WWOX: variants seen among roughly 807,000 people sequenced by gnomAD.
WWOX encodes the protein WW domain containing oxidoreductase, also known as WW domain-containing oxidoreductase.
WWOX carries 69 observed loss-of-function variants against 46.2 expected under a neutral mutation model. The ratio of observed to expected loss-of-function variants is 1.49; its 90% CI spans 1.23 to 1.82. The LOEUF is 1.82. Among genes scored for constraint, WWOX ranks in the 40% most tolerant of loss-of-function variants. WWOX has a pLI of 0.00. For synonymous variants in WWOX, 359 were observed against 202.6 expected (o/e 1.77, Z -6.56); for missense variants, 919 against 542.6 (o/e 1.69, Z -6.89).
chr16:78,174,477 A>G (rs565743716), intron 5 of WWOX, among the ~76,000 whole-genome samples: 6 of 152,334 alleles, frequency 3.9e-5, no homozygotes, highest in African/African-American at 1.2e-4. Flanking sequence ...ACCATATCAG[A>G]CACAAACATT....
intron 5 of WWOX, among the ~76,000 whole-genome samples, chr16:78,190,455 A>G (rs1165692782): frequency 1.3e-5 from 2 of 152,162 alleles, no homozygotes; most frequent in Admixed American, 6.5e-5. Flanking sequence ...AATCAGTCCT[A>G]TCCAGTATAC....
In WWOX at chr16:79,151,247, C is replaced by T. The variant is rs138305998; in HGVS notation, c.1057-60361C>T. 3.0e-3 allele frequency among the ~76,000 whole-genome samples: 457 copies of T among 152,296 alleles called. 1 individual carries two copies. The highest frequency in any genetic ancestry group is 6.8e-3 in the Middle Eastern group (2 of 294). ...TTGAAATCTGGAACATTCTTTCCTA[C>T]GGTGGTTGACTTTTCACTGCCTTTG... On this transcript the variant is annotated intron_variant, in intron 8 of 8. Transcript: ENST00000566780.
At chr16:78,755,517 G>A (rs902461158) in intron 8 of WWOX, among the ~76,000 whole-genome samples, 5 of 152,212 alleles carry the variant, frequency 3.3e-5, no homozygotes, top group African/African-American at 1.2e-4. Context: ...ACCTGCCAGA[G>A]TGGCTGTATC....
chr16:78,133,546 C>G (rs2033682445), intron 4 of WWOX, among the ~76,000 whole-genome samples: 1 of 152,212 alleles, frequency 6.6e-6, no homozygotes, highest in Non-Finnish European at 1.5e-5. Context: ...CAGGCTCACG[C>G]CACCATGCCT....
intron 8 of WWOX, among the ~76,000 whole-genome samples, chr16:79,207,278 C>A (rs942770665): frequency 6.6e-6 from 1 of 152,200 alleles, no homozygotes; most frequent in Non-Finnish European, 1.5e-5. Context: ...TTGCTTTGTC[C>A]AACAGACACC....
chr16:78,820,733 C>T (rs1204535758), intron 8 of WWOX, among the ~76,000 whole-genome samples: 1 of 152,130 alleles, frequency 6.6e-6, no homozygotes, highest in Non-Finnish European at 1.5e-5. Flanking sequence ...GATTGAGAAT[C>T]ATTCATTGTT....
chr16:79,121,704 C>G lies in WWOX; in HGVS notation c.1057-89904C>G, dbSNP rs1441013646. Among the ~76,000 whole-genome samples the G allele has an allele frequency of 2.6e-5, 4 of 152,124 alleles. No homozygotes were observed. The East Asian group carries it at 7.7e-4, about 29-fold the overall frequency. ...CTGGGCTTTGGGAAGAGAAAAGAAT[C>G]CGAACTGGTGGCTTCCCACAATTGC... On this transcript the variant is annotated intron_variant, in intron 8 of 8. Transcript: ENST00000566780.
intron 8 of WWOX, among the ~76,000 whole-genome samples, chr16:78,483,548 C>T (rs766435956): frequency 1.4e-4 from 21 of 151,816 alleles, no homozygotes; most frequent in Non-Finnish European, 2.2e-4. Flanking sequence ...ACAGAACCGG[C>T]CTTTCCCAGT....
chr16:78,939,738 C>G (rs866424874), intron 8 of WWOX, among the ~76,000 whole-genome samples: 1 of 152,238 alleles, frequency 6.6e-6, no homozygotes, highest in African/African-American at 2.4e-5. Flanking sequence ...ATCCCCATTT[C>G]TGGGTAACCC....
At chr16:78,426,883 C>T (rs868578525) in intron 7 of WWOX, among the ~76,000 whole-genome samples, 30 of 152,276 alleles carry the variant, frequency 2.0e-4, no homozygotes, top group African/African-American at 3.1e-4. Flanking sequence ...AGGATGGTCT[C>T]GATCTCTTGA....
chr16:78,105,694 A>G (rs1380855833), intron 1 of WWOX, among the ~76,000 whole-genome samples: 1 of 152,220 alleles, frequency 6.6e-6, no homozygotes, highest in Non-Finnish European at 1.5e-5. Context: ...GCATGAGGCT[A>G]CATGTCTGAG....
At chr16:78,193,748 T>C (rs1390866576) in intron 5 of WWOX, among the ~76,000 whole-genome samples, 1 of 152,064 alleles carries the variant, frequency 6.6e-6, no homozygotes, top group Non-Finnish European at 1.5e-5. Context: ...TTTGGGATTT[T>C]TGTTTGTTTG....
At chr16:79,074,698 G>A (rs1429812520) in intron 8 of WWOX, among the ~76,000 whole-genome samples, 2 of 151,966 alleles carry the variant, frequency 1.3e-5, no homozygotes, top group African/African-American at 4.8e-5. Context: ...ATCAGCATAT[G>A]TTATTTATCC....
chr16:78,132,112 C>T (rs926287678), intron 4 of WWOX, among the ~76,000 whole-genome samples: 2 of 151,166 alleles, frequency 1.3e-5, no homozygotes, highest in Admixed American at 6.6e-5. Context: ...GCAAGCTCCA[C>T]CTCCCGGGTT....
chr16:78,725,339 C>CTTTTTTTTTTT lies in WWOX; in HGVS notation c.1056+292591_1056+292592insTTTTTTTTTTT, dbSNP rs921746316. On this transcript the variant is annotated intron_variant, in intron 8 of 8. Coordinates refer to ENST00000566780, the MANE Select transcript of WWOX (RefSeq NM_016373.4). ...TTTTTTTCCTTTTTTCTTTTCTTTTCTTTTCTTTTTTTTTTTTTTTTTTTT... is the reference window on the plus strand; with the variant it reads ...TTTTTTTCCTTTTTTCTTTTCTTTTCTTTTTTTTTTTTTTTCTTTTTTTTTTTTTTTTTTTT... Among the ~76,000 whole-genome samples the CTTTTTTTTTTT allele has an allele frequency of 1.3e-3, 110 of 86,738 alleles. 2 individuals are homozygous for CTTTTTTTTTTT. The highest frequency in any genetic ancestry group is 1.8e-3 in the Non-Finnish European group (81 of 45,818). The allele number at this position is 86,738 out of a possible 152,430, so 56.9% of individuals were successfully genotyped here. A position where few individuals can be genotyped will look rare whatever the true frequency, so the allele number is the denominator to read the frequency against.
chr16:78,183,135 G>A (rs1159635066), intron 5 of WWOX, among the ~76,000 whole-genome samples: 2 of 151,922 alleles, frequency 1.3e-5, no homozygotes, highest in East Asian at 1.9e-4. Context: ...TATACCAGCC[G>A]TCCCACTGGA....
At chr16:78,448,078 A>G (rs756072534) in intron 8 of WWOX, among the ~76,000 whole-genome samples, 23 of 152,266 alleles carry the variant, frequency 1.5e-4, no homozygotes, top group Non-Finnish European at 2.9e-4. Context: ...TGTTGGGATT[A>G]CAGGTGTGAA....
intron 8 of WWOX, among the ~76,000 whole-genome samples, chr16:78,920,689 TAA>T (rs1348129749): frequency 6.6e-6 from 1 of 152,146 alleles, no homozygotes; most frequent in Non-Finnish European, 1.5e-5. Flanking sequence ...TCAGAGAAAG[TAA>T]AGAGTGATGG....
At chr16:78,874,149 G>A (rs1471230634) in intron 8 of WWOX, among the ~76,000 whole-genome samples, 2 of 151,544 alleles carry the variant, frequency 1.3e-5, no homozygotes, top group African/African-American at 2.4e-5. Flanking sequence ...CCAGCTACTC[G>A]AGTGGCTGAG....
Sources: allele counts gnomAD v4.1 joint callset (sites outside exome capture counted in the v4.1 genomes callset), GRCh38; gene constraint gnomAD v4.1.1; transcripts MANE v1.5; gene names NCBI Gene and HGNC (gene_info 2026-07-23, HGNC 2026-07-21).